ENTREP2: variants seen among roughly 807,000 people sequenced by gnomAD.
ENTREP2 encodes protein ENTREP2.
At chr15:29,229,257 C>T in the ENTREP2 span, among the ~76,000 whole-genome samples, 2 of 152,032 alleles carry the variant, frequency 1.3e-5, no homozygotes, top group Admixed American at 6.6e-5. Flanking sequence ...TTTCATTCTC[C>T]ATGGTAAAAC....
chr15:29,354,278 C>T, the ENTREP2 span, among the ~76,000 whole-genome samples: 1 of 152,202 alleles, frequency 6.6e-6, no homozygotes. Flanking sequence ...CTCAGGCCTT[C>T]GGGCTCTGGC....
At chr15:29,269,215 T>C in the ENTREP2 span, 1 of 1,614,094 alleles carries the variant, frequency 6.2e-7, no homozygotes, top group Non-Finnish European at 8.5e-7. Flanking sequence ...CATCTCGGCA[T>C]CCTCCTCCAC....
chr15:29,186,458 A>G, the ENTREP2 span, among the ~76,000 whole-genome samples: 1 of 152,186 alleles, frequency 6.6e-6, no homozygotes, highest in Non-Finnish European at 1.5e-5. Flanking sequence ...CAGAATTTCA[A>G]CTCTGGGACT....
the ENTREP2 span, among the ~76,000 whole-genome samples, chr15:29,622,075 T>TGGGG: frequency 2.0e-5 from 3 of 152,110 alleles, no homozygotes; most frequent in East Asian, 1.9e-4. Context: ...GGGGAGGGGA[T>TGGGG]GGGGACACAG....
the ENTREP2 span, among the ~76,000 whole-genome samples, chr15:29,524,660 G>A: frequency 0.42 from 64,314 of 152,070 alleles, 14,128 homozygotes; most frequent in African/African-American, 0.55. Context: ...CTTTAGCCCA[G>A]TCGGAAGCAG....
At chr15:29,526,355 C>T in the ENTREP2 span, among the ~76,000 whole-genome samples, 7 of 152,280 alleles carry the variant, frequency 4.6e-5, no homozygotes, top group Non-Finnish European at 7.4e-5. Flanking sequence ...TGGACAGCCT[C>T]TGACTCTCCA....
chr15:29,613,606 C>T, the ENTREP2 span: 74 of 195,924 alleles, frequency 3.8e-4, 1 homozygote, highest in Admixed American at 9.0e-4. Context: ...TGGTAGAGAA[C>T]ACTGATGAGA....
chr15:29,587,920 A>G, the ENTREP2 span, among the ~76,000 whole-genome samples: 1 of 152,174 alleles, frequency 6.6e-6, no homozygotes, highest in African/African-American at 2.4e-5. Flanking sequence ...CAGCTTCCTA[A>G]AGTGCTGGAA....
the ENTREP2 span, among the ~76,000 whole-genome samples, chr15:29,512,892 C>A: frequency 6.6e-5 from 10 of 152,284 alleles, no homozygotes; most frequent in Non-Finnish European, 1.3e-4. Context: ...ATTGAAGCCA[C>A]CACCACGCTC....
chr15:29,380,924 T>C, the ENTREP2 span, among the ~76,000 whole-genome samples: 1 of 149,700 alleles, frequency 6.7e-6, no homozygotes, highest in East Asian at 2.0e-4. Flanking sequence ...CGATCTCGGC[T>C]CACTGCAACC....
the ENTREP2 span, among the ~76,000 whole-genome samples, chr15:29,643,227 T>TA: frequency 4.6e-5 from 7 of 152,122 alleles, no homozygotes; most frequent in Non-Finnish European, 8.8e-5. Context: ...GTAGTTAAAA[T>TA]ACAAGCACAG....
the ENTREP2 span, among the ~76,000 whole-genome samples, chr15:29,639,936 T>A: frequency 6.6e-6 from 1 of 151,926 alleles, no homozygotes; most frequent in Non-Finnish European, 1.5e-5. Flanking sequence ...GCCCAGCTAA[T>A]TTTTGTATTT....
At chr15:29,124,789 A>G in the ENTREP2 span, 1 of 1,538,050 alleles carries the variant, frequency 6.5e-7, no homozygotes, top group Non-Finnish European at 8.8e-7. Flanking sequence ...TTCAGTGAAC[A>G]CATGAAAGGA....
At chr15:29,649,727 C>CAAAAAAAAAAAAAAAAAAA in the ENTREP2 span, among the ~76,000 whole-genome samples, 4 of 66,804 alleles carry the variant, frequency 6.0e-5, no homozygotes, top group African/African-American at 9.9e-5. Context: ...TCAACAACAA[C>CAAAAAAAAAAAAAAAAAAA]AAAAAAAAAA....
the ENTREP2 span, among the ~76,000 whole-genome samples, chr15:29,144,190 A>G: frequency 6.6e-6 from 1 of 152,206 alleles, no homozygotes; most frequent in Admixed American, 6.5e-5. Context: ...GTTAATGAAT[A>G]AGAAAGTTAT....
At chr15:29,591,907 A>C in the ENTREP2 span, among the ~76,000 whole-genome samples, 128 of 151,354 alleles carry the variant, frequency 8.5e-4, no homozygotes, top group African/African-American at 2.8e-3. Flanking sequence ...GAGAGAAAAC[A>C]CAGATGTTTC....
chr15:29,535,714 G>A, the ENTREP2 span, among the ~76,000 whole-genome samples: 1,065 of 151,988 alleles, frequency 7.0e-3, 8 homozygotes, highest in African/African-American at 0.025. Context: ...CAAAAAGTTA[G>A]CAACTTTATG....
At chr15:29,487,367 A>C in the ENTREP2 span, among the ~76,000 whole-genome samples, 11,721 of 152,180 alleles carry the variant, frequency 0.077, 691 homozygotes, top group African/African-American at 0.17. Context: ...TAGCTGTAAA[A>C]AGCCAGGCTA....
At chr15:29,418,509 A>G in the ENTREP2 span, among the ~76,000 whole-genome samples, 1 of 152,124 alleles carries the variant, frequency 6.6e-6, no homozygotes, top group Non-Finnish European at 1.5e-5. Flanking sequence ...AAGGTGCTAT[A>G]TAAATAGGCT....
Sources: allele counts gnomAD v4.1 joint callset (sites outside exome capture counted in the v4.1 genomes callset), GRCh38; gene constraint gnomAD v4.1.1; transcripts MANE v1.5; gene names NCBI Gene and HGNC (gene_info 2026-07-23, HGNC 2026-07-21).